MARCHF1: variants seen among roughly 807,000 people sequenced by gnomAD.
MARCHF1 encodes the protein membrane associated ring-CH-type finger 1.
In MARCHF1, 40 loss-of-function variants were observed where a neutral mutation model predicts 54.2. The observed-to-expected ratio is 0.74, with a 90% CI of 0.57 to 0.96. The LOEUF (loss-of-function observed/expected upper bound fraction) is 0.96. MARCHF1 is among the 40% of genes least tolerant of loss of function. MARCHF1 has a pLI of 0.00. For synonymous variants in MARCHF1, 236 were observed against 236.3 expected, an observed-to-expected ratio of 1.00 and a Z score of 0.01; for missense variants, 586 against 656.5, an observed-to-expected ratio of 0.89 and a Z score of 1.17.
intron 1 of MARCHF1, among the ~76,000 whole-genome samples, chr4:164,193,300 ATTC>A (rs900427557): frequency 7.2e-5 from 11 of 151,886 alleles, no homozygotes; most frequent in African/African-American, 2.7e-4. Context: ...AAGCATGACT[ATTC>A]TTCTGCTTGT....
In MARCHF1 at chr4:164,335,099, G is replaced by T. The variant is rs191574961; in HGVS notation, c.-323+48771C>A. On this transcript the variant is annotated intron_variant, in intron 1 of 9. Transcript: ENST00000514618. ...TCCTGGTGAAGATGCTGTGAACATTGTTGAAATGACAGCAAAGTATTTAGA... is the reference window on the plus strand; with the variant it reads ...TCCTGGTGAAGATGCTGTGAACATTTTTGAAATGACAGCAAAGTATTTAGA... 2.5e-4 allele frequency among the ~76,000 whole-genome samples: 38 copies of T among 152,308 alleles called. 4 individuals carry two copies. The East Asian group carries it at 3.7e-3, about 15-fold the overall frequency.
intron 2 of MARCHF1, among the ~76,000 whole-genome samples, chr4:164,042,806 G>A (rs1445382782): frequency 2.0e-5 from 3 of 152,166 alleles, no homozygotes; most frequent in African/African-American, 7.2e-5. Flanking sequence ...AGATACAATG[G>A]GGGTACAGGC....
At chr4:164,304,726 T>C (rs532867500) in intron 1 of MARCHF1, among the ~76,000 whole-genome samples, 3 of 152,314 alleles carry the variant, frequency 2.0e-5, no homozygotes, top group African/African-American at 7.2e-5. Context: ...GTAACTTAAA[T>C]ATCTACATGA....
rs1560823628 is a variant in MARCHF1, at chr4:163,929,941, T to TTATATTATATATATTATTATA, written c.-39+58559_-39+58560insTATAATAATATATATAATATA. On this transcript the variant is annotated intron_variant, in intron 3 of 9. Transcript: ENST00000514618. The stretch of plus-strand genomic sequence containing the variant: ...ATAATATATATAATATATTATATAT[T>TTATATTATATATATTATTATA]TATATTATATATATTATATATAATA... Among the ~76,000 whole-genome samples, 39 of 14,246 alleles carry TTATATTATATATATTATTATA rather than the reference T, an allele frequency of 2.7e-3. 1 individual carries two copies. The South Asian group carries it at 0.15, about 56-fold the overall frequency. 9.3% of individuals were successfully genotyped at this position (14,246 alleles called of 152,430 possible).
chr4:164,054,124 A>T (rs560081527), intron 2 of MARCHF1, among the ~76,000 whole-genome samples: 4,261 of 151,344 alleles, frequency 0.028, 182 homozygotes, highest in African/African-American at 0.097. Flanking sequence ...GGACATGAAC[A>T]AACACTTCTC....
intron 4 of MARCHF1, among the ~76,000 whole-genome samples, chr4:163,834,451 T>A (rs969878836): frequency 1.3e-5 from 2 of 152,328 alleles, no homozygotes. Context: ...GGATCTTTTT[T>A]AAAATTTATT....
intron 3 of MARCHF1, among the ~76,000 whole-genome samples, chr4:163,903,526 A>G (rs1028912155): frequency 2.0e-5 from 3 of 152,198 alleles, no homozygotes; most frequent in African/African-American, 7.2e-5. Context: ...AGTGATAAAC[A>G]TAAAGTTTAC....
chr4:163,735,911 G>A (rs2111342055), intron 4 of MARCHF1, among the ~76,000 whole-genome samples: 1 of 152,234 alleles, frequency 6.6e-6, no homozygotes, highest in South Asian at 2.1e-4. Context: ...GATAGTGGAT[G>A]CCTTTAACTA....
chr4:164,040,324 AAATACTTATAC>A (rs1560874978), intron 2 of MARCHF1, among the ~76,000 whole-genome samples: 2 of 135,980 alleles, frequency 1.5e-5, no homozygotes, highest in African/African-American at 5.5e-5. Flanking sequence ...AAATATGTAT[AAATACTTATAC>A]AATACTTATA....
At chr4:164,143,103 G>A (rs567448722) in intron 1 of MARCHF1, among the ~76,000 whole-genome samples, 2,268 of 146,530 alleles carry the variant, frequency 0.015, 62 homozygotes, top group African/African-American at 0.05. Context: ...GAAATGAAGC[G>A]AGAAGGGAAG....
At chr4:163,620,495 A>G (rs1474773706) in intron 5 of MARCHF1, among the ~76,000 whole-genome samples, 2 of 151,778 alleles carry the variant, frequency 1.3e-5, no homozygotes, top group Non-Finnish European at 2.9e-5. Context: ...AATAGCAAGA[A>G]GTTGGAAACA....
In MARCHF1 at chr4:163,730,375, C is replaced by T. The variant is rs1410280867; in HGVS notation, c.112-29512G>A. Among the ~76,000 whole-genome samples, 17 of 152,076 alleles carry T rather than the reference C, an allele frequency of 1.1e-4. 1 individual carries two copies. Among genetic ancestry groups the T allele is most frequent in the Admixed American group, 1.1e-3 (17 of 15,252 alleles). On this transcript the variant is annotated intron_variant, in intron 4 of 9. Transcript: ENST00000514618. ...TTTTAAAGTCTTTGTCTGGCAGATC[C>T]ACCATCAAGATTTTCTCAGAAACAG...
At chr4:163,665,555 T>C (rs963014394) in intron 5 of MARCHF1, among the ~76,000 whole-genome samples, 7 of 152,144 alleles carry the variant, frequency 4.6e-5, no homozygotes, top group Non-Finnish European at 1.5e-5. Context: ...GTGATAACAG[T>C]CAGTGTTCGT....
intron 1 of MARCHF1, among the ~76,000 whole-genome samples, chr4:164,128,514 T>C (rs571363955): frequency 2.0e-5 from 3 of 146,428 alleles, no homozygotes; most frequent in African/African-American, 7.5e-5. Context: ...CCCTTATACT[T>C]ATGAAATGAT....
chr4:164,106,777 A>AT (rs1378093225), intron 2 of MARCHF1, among the ~76,000 whole-genome samples: 5 of 144,028 alleles, frequency 3.5e-5, no homozygotes, highest in South Asian at 2.1e-4. Flanking sequence ...AAAAATAAAA[A>AT]ATAAAAAAAA....
At chr4:164,031,292 T>C (rs1446988457) in intron 2 of MARCHF1, among the ~76,000 whole-genome samples, 1 of 152,220 alleles carries the variant, frequency 6.6e-6, no homozygotes, top group Non-Finnish European at 1.5e-5. Flanking sequence ...GTGTTTATTG[T>C]ATTATCTGAT....
At chr4:164,288,751 G>T (rs1734212106) in intron 1 of MARCHF1, among the ~76,000 whole-genome samples, 1 of 152,024 alleles carries the variant, frequency 6.6e-6, no homozygotes, top group Non-Finnish European at 1.5e-5. Context: ...CATTTCTAGA[G>T]ACCTACTCGA....
chr4:164,165,853 T>C (rs1301677661), intron 1 of MARCHF1, among the ~76,000 whole-genome samples: 2 of 152,026 alleles, frequency 1.3e-5, no homozygotes, highest in African/African-American at 2.4e-5. Flanking sequence ...TTGCCTTTCC[T>C]ACTCCGATAC....
At chr4:164,284,745 A>C (rs1172325106) in intron 1 of MARCHF1, among the ~76,000 whole-genome samples, 1 of 151,078 alleles carries the variant, frequency 6.6e-6, no homozygotes, top group Non-Finnish European at 1.5e-5. Flanking sequence ...AAAATCACAA[A>C]GGTATTTCTC....
Sources: allele counts gnomAD v4.1 joint callset (sites outside exome capture counted in the v4.1 genomes callset), GRCh38; gene constraint gnomAD v4.1.1; transcripts MANE v1.5; gene names NCBI Gene and HGNC (gene_info 2026-07-23, HGNC 2026-07-21).